The following FAM114A2 variants were observed in gnomAD, a reference collection of about 807,000 sequenced individuals.
The protein encoded by FAM114A2 is family with sequence similarity 114 member A2, also known as protein FAM114A2.
In FAM114A2, 53 loss-of-function variants were observed where a neutral mutation model predicts 58.4. The observed-to-expected ratio is 0.91, with a 90% confidence interval of 0.73 to 1.14. FAM114A2 has a LOEUF of 1.14. Ranked by LOEUF, FAM114A2 falls within the 50% of genes most tolerant of loss-of-function variation. The pLI, the probability that FAM114A2 is intolerant of heterozygous loss-of-function variation, is 0.00. For synonymous variants in FAM114A2, 228 were observed against 211.4 expected (o/e 1.08, Z -0.68); for missense variants, 601 against 581.1 (o/e 1.03, Z -0.35).
At chr5:154,033,261 T>C (rs1428140756) in intron 4 of FAM114A2, among the ~76,000 whole-genome samples, 1 of 152,232 alleles carries the variant, frequency 6.6e-6, no homozygotes, top group Non-Finnish European at 1.5e-5. Context: ...AAAAGATTCC[T>C]ATTTTCTGGT....
chr5:154,034,014 G>A, intron 3 of FAM114A2, 131 bp from the exon 4 acceptor site: 2 of 674,032 alleles, frequency 3.0e-6, no homozygotes, highest in African/African-American at 1.8e-5. Context: ...AACTAATCTT[G>A]GCACTATTTC....
At chr5:153,998,339 T>C (rs1279912880) in intron 11 of FAM114A2, among the ~76,000 whole-genome samples, 1 of 152,184 alleles carries the variant, frequency 6.6e-6, no homozygotes, top group East Asian at 1.9e-4. Context: ...GCCCCTGCTA[T>C]GGTTTTGATA....
intron 4 of FAM114A2, among the ~76,000 whole-genome samples, chr5:154,030,684 T>C (rs1157583159): frequency 6.6e-5 from 10 of 152,174 alleles, no homozygotes. Flanking sequence ...CAGAAAACCG[T>C]AGAGGAGGAA....
intron 13 of FAM114A2, chr5:153,994,538 T>C (rs59563224): frequency 0.036 from 5,804 of 160,460 alleles, 274 homozygotes; most frequent in African/African-American, 0.11. Context: ...CATGTTTTGT[T>C]TTGTAACAAA....
Position 154,021,152 on chromosome 5 carries a change from T to C in FAM114A2, c.913+5247A>G, listed in dbSNP as rs1177341704. Among the ~76,000 whole-genome samples the C allele has an allele frequency of 2.0e-5, 3 of 152,170 alleles. No homozygotes were observed. The East Asian group carries it at 5.8e-4, about 29-fold the overall frequency. On this transcript the variant is annotated intron_variant, in intron 8 of 13. Transcript: ENST00000351797. ...GGTATTGATGGAACGTATCTCAAAA[T>C]AATAAGAGCTATCTATGACAAACCC...
chr5:153,999,586 T>C (rs1480698213), intron 11 of FAM114A2, among the ~76,000 whole-genome samples: 4 of 151,202 alleles, frequency 2.6e-5, no homozygotes, highest in South Asian at 2.1e-4. Context: ...GTGAACGAGA[T>C]TGCGCCACTG....
In FAM114A2 at chr5:154,027,332, A is replaced by C; in HGVS notation, c.633T>G (p.Val211=). ...CTTCTTTCTCCTTCGCCTCTCGTAA[A>C]ACCTAAAAAGAGATGGAGGCATTAC... ...LMNRNATLSQ[V]LREAKEKEEI... The change falls in exon 7 of 14, where the codon GTT becomes GTG. Residue 211 remains valine (V), a splice_region_variant and synonymous_variant. Coordinates refer to ENST00000351797, the MANE Select transcript of FAM114A2 (RefSeq NM_018691.4). The C allele has an allele frequency of 6.2e-7, 1 of 1,609,766 alleles. No individual in the cohort carries two copies.
At chr5:154,008,232 T>C (rs921215378) in intron 9 of FAM114A2, among the ~76,000 whole-genome samples, 1 of 152,016 alleles carries the variant, frequency 6.6e-6, no homozygotes, top group Non-Finnish European at 1.5e-5. Flanking sequence ...GAAAGATGAA[T>C]ACCTATAAAA....
intron 9 of FAM114A2, among the ~76,000 whole-genome samples, chr5:154,004,217 T>C (rs1330781809): frequency 6.6e-6 from 1 of 152,202 alleles, no homozygotes; most frequent in Non-Finnish European, 1.5e-5. Context: ...TGATAATGAA[T>C]CTAGTTTTCT....
At chr5:154,036,319 T>C (rs1448147623) in intron 1 of FAM114A2, 1 of 152,230 alleles carries the variant, frequency 6.6e-6, no homozygotes, top group Non-Finnish European at 1.5e-5. Context: ...ATACCAGTGT[T>C]ACTCAATTCA....
intron 6 of FAM114A2, chr5:154,027,611 G>A (rs1010842315): frequency 1.6e-5 from 4 of 247,020 alleles, no homozygotes; most frequent in Admixed American, 5.1e-5. Flanking sequence ...AGCTATTCTC[G>A]TGTTTCAGCC....
rs1769337167 is a variant in FAM114A2, at chr5:153,993,107, A to G, written c.1387T>C (p.Ser463Pro). The stretch of plus-strand genomic sequence containing the variant: ...TCCTGGATGTAGGAGGCACTGTTTG[A>G]TGCCTGCCAGGATTGAAAAAACAAG... ...PLITAVFLEA[S>P]NSASYIQDAF... Residue 463 changes from serine to proline, a missense_variant, in exon 14 of 14, where the codon TCA (serine) becomes CCA (proline). Ser to Pro is a moderately conservative substitution (Grantham distance 74). Transcript: ENST00000351797. The G allele has an allele frequency of 1.2e-6, 2 of 1,605,090 alleles. No individual in the cohort carries two copies. The highest frequency in any genetic ancestry group is 1.7e-6 in the Non-Finnish European group (2 of 1,175,938).
intron 5 of FAM114A2, among the ~76,000 whole-genome samples, chr5:154,028,591 G>T (rs753582547): frequency 6.6e-6 from 1 of 152,180 alleles, no homozygotes; most frequent in Non-Finnish European, 1.5e-5. Flanking sequence ...AGCTCTGCTT[G>T]TAATAGCTAC....
chr5:154,012,651 G>T (rs1770774992), intron 8 of FAM114A2, among the ~76,000 whole-genome samples: 1 of 152,150 alleles, frequency 6.6e-6, no homozygotes, highest in Admixed American at 6.5e-5. Context: ...TTAAGGCAGA[G>T]AATTAAATGA....
At chr5:154,029,808 T>C (rs1772060209) in intron 4 of FAM114A2, among the ~76,000 whole-genome samples, 1 of 152,230 alleles carries the variant, frequency 6.6e-6, no homozygotes, top group South Asian at 2.1e-4. Flanking sequence ...AACAAACTGC[T>C]GATATATACA....
chr5:154,004,205 C>T (rs1770198644), intron 9 of FAM114A2, among the ~76,000 whole-genome samples: 1 of 152,170 alleles, frequency 6.6e-6, no homozygotes, highest in African/African-American at 2.4e-5. Flanking sequence ...TATCCATTCT[C>T]CTGATAATGA....
Position 154,034,985 on chromosome 5 carries a change from C to A in FAM114A2, c.-14-18G>T, listed in dbSNP as rs200126816. 191 of 1,439,104 alleles carry A rather than the reference C, an allele frequency of 1.3e-4. No homozygotes were observed. The highest frequency in any genetic ancestry group is 3.7e-4 in the South Asian group (30 of 81,536). 89.1% of individuals were successfully genotyped at this position (1,439,104 alleles called of 1,614,324 possible). ...AACATCAGCTGGTAAAATGAAAGCC[C>A]AAAAAAAATTTATATAGGCTTCTTT... is the stretch of plus-strand genomic sequence containing the variant. On this transcript the variant is annotated intron_variant, in intron 1 of 13. Transcript: ENST00000351797.
chr5:154,035,579 A>G (rs1772499543), intron 1 of FAM114A2, among the ~76,000 whole-genome samples: 1 of 152,206 alleles, frequency 6.6e-6, no homozygotes, highest in Non-Finnish European at 1.5e-5. Context: ...CAATTTACCC[A>G]TTTATCCATC....
intron 6 of FAM114A2, 118 bp downstream of exon 6, chr5:154,028,031 T>C (rs541018198): frequency 3.9e-5 from 36 of 926,184 alleles, no homozygotes; most frequent in Middle Eastern, 4.6e-4. Flanking sequence ...AAAAAACGCC[T>C]GAATAAACAT....
Sources: allele counts gnomAD v4.1 joint callset (sites outside exome capture counted in the v4.1 genomes callset), GRCh38; gene constraint gnomAD v4.1.1; transcripts MANE v1.5; gene names NCBI Gene and HGNC (gene_info 2026-07-23, HGNC 2026-07-21).